LSP1: variants seen among roughly 807,000 people sequenced by gnomAD.
LSP1 encodes lymphocyte-specific protein 1.
LSP1 carries 32 observed loss-of-function variants against 49.3 expected under a neutral mutation model. That is an observed-to-expected ratio of 0.65 (90% CI 0.49 to 0.87). The LOEUF is 0.87. Ranked by LOEUF, LSP1 falls within the 40% of genes least tolerant of loss-of-function variation. The pLI is 0.00. For missense variants in LSP1, 428 were observed against 442.6 expected (o/e 0.97, Z 0.30); for synonymous variants, 179 against 178.8 (o/e 1.00, Z -0.01).
At chr11:1,887,051 G>A (rs185523860) in intron 8 of LSP1, among the ~76,000 whole-genome samples, 185 bp downstream of exon 8, 1 of 152,348 alleles carries the variant, frequency 6.6e-6, no homozygotes, top group East Asian at 1.9e-4. Context: ...TGTTGTCCGA[G>A]TGGAGGTAGA....
intron 1 of LSP1, chr11:1,871,451 G>T: frequency 1.0e-6 from 1 of 986,360 alleles, no homozygotes; most frequent in Non-Finnish European, 1.2e-6. Flanking sequence ...GGGCTGGTCA[G>T]CAGGACATCA....
chr11:1,875,199 C>G (rs998737731), intron 1 of LSP1, among the ~76,000 whole-genome samples: 3 of 152,192 alleles, frequency 2.0e-5, no homozygotes, highest in East Asian at 1.9e-4. Context: ...CGCCCTCCCC[C>G]CCATCAACCC....
chr11:1,858,830 G>T (rs989741179), intron 1 of LSP1, among the ~76,000 whole-genome samples: 6 of 152,230 alleles, frequency 3.9e-5, no homozygotes, highest in African/African-American at 1.4e-4. Flanking sequence ...CCTCCTAGCC[G>T]TGTCCCACCC....
At chr11:1,855,588 T>C (rs1847468513) in intron 1 of LSP1, among the ~76,000 whole-genome samples, 1 of 152,162 alleles carries the variant, frequency 6.6e-6, no homozygotes, top group Non-Finnish European at 1.5e-5. Flanking sequence ...AGGACAGGAC[T>C]GTCCTCTCCC....
At chr11:1,888,013 C>T (rs1024882718) in intron 10 of LSP1, among the ~76,000 whole-genome samples, 5 of 152,146 alleles carry the variant, frequency 3.3e-5, no homozygotes, top group East Asian at 3.9e-4. Flanking sequence ...CTGTCCCAGC[C>T]GAGAGCGATT....
intron 1 of LSP1, among the ~76,000 whole-genome samples, chr11:1,865,569 C>T (rs146953757): frequency 0.017 from 2,089 of 124,228 alleles, 25 homozygotes; most frequent in Non-Finnish European, 0.025. Context: ...CACTGTCACC[C>T]GCTCACACCG....
intron 1 of LSP1, among the ~76,000 whole-genome samples, chr11:1,867,081 A>G (rs1847818775): frequency 6.6e-6 from 1 of 152,028 alleles, no homozygotes; most frequent in African/African-American, 2.4e-5. Flanking sequence ...GCTCGGGGCC[A>G]GTCCCTGTGG....
chr11:1,856,209 C>T (rs1847485840), intron 1 of LSP1, among the ~76,000 whole-genome samples: 1 of 152,334 alleles, frequency 6.6e-6, no homozygotes, highest in East Asian at 1.9e-4. Flanking sequence ...GATGACCCTA[C>T]CCCCAGTCTG....
chr11:1,868,058 C>G (rs1464542939), intron 1 of LSP1, among the ~76,000 whole-genome samples: 3 of 152,234 alleles, frequency 2.0e-5, no homozygotes, highest in Admixed American at 2.0e-4. Flanking sequence ...CTGCCTGCCC[C>G]TGGGCAACTC....
intron 1 of LSP1, chr11:1,870,924 G>A (rs1398458217): frequency 3.0e-6 from 3 of 985,732 alleles, no homozygotes; most frequent in African/African-American, 3.5e-5. Context: ...CAGCGCTCCC[G>A]AGGGCCGTCG....
intron 1 of LSP1, chr11:1,876,440 C>T: frequency 1.0e-6 from 1 of 985,344 alleles, no homozygotes; most frequent in Non-Finnish European, 1.2e-6. Context: ...GCTCCCCCTC[C>T]CCTCGACATC....
At chr11:1,862,866 C>T (rs1242834141) in intron 1 of LSP1, among the ~76,000 whole-genome samples, 4 of 152,182 alleles carry the variant, frequency 2.6e-5, no homozygotes, top group African/African-American at 9.7e-5. Context: ...GCTCACTAAA[C>T]ATTTGTCCAA....
At chr11:1,888,396 A>C (rs879625286) in intron 10 of LSP1, among the ~76,000 whole-genome samples, 2 of 152,154 alleles carry the variant, frequency 1.3e-5, no homozygotes, top group Non-Finnish European at 2.9e-5. Context: ...CCAGCTGTCA[A>C]AGCCTGGGCA....
At chr11:1,889,405 CG>C in intron 10 of LSP1, 10 of 685,024 alleles carry the variant, frequency 1.5e-5, no homozygotes, top group Non-Finnish European at 1.6e-5. Flanking sequence ...GTCCGGGAGG[CG>C]GGGGCCCGGG....
At chr11:1,866,762 C>A in intron 1 of LSP1, 2 of 1,550,496 alleles carry the variant, frequency 1.3e-6, no homozygotes, top group Non-Finnish European at 1.7e-6. Flanking sequence ...CTCACCAGTG[C>A]TACTTAACAA....
At chr11:1,874,608 G>C (rs937181827) in intron 1 of LSP1, among the ~76,000 whole-genome samples, 4 of 152,126 alleles carry the variant, frequency 2.6e-5, no homozygotes, top group African/African-American at 7.2e-5. Context: ...AGAGCACTTT[G>C]CCTGAGCCAG....
chr11:1,891,590 A>C (rs943186157), intron 10 of LSP1, 183 bp from the exon 11 acceptor site: 2 of 152,444 alleles, frequency 1.3e-5, no homozygotes, highest in Non-Finnish European at 2.9e-5. Flanking sequence ...AAGTGCTCGC[A>C]CTGGGAAGCA....
intron 1 of LSP1, among the ~76,000 whole-genome samples, chr11:1,878,798 T>G (rs989806792): frequency 6.6e-6 from 1 of 152,006 alleles, no homozygotes; most frequent in Non-Finnish European, 1.5e-5. Context: ...ATAAGCCCTG[T>G]AGGAGTGTAG....
chr11:1,880,059 G>C, intron 1 of LSP1, 28 bp from the exon 2 acceptor site: 1 of 1,604,784 alleles, frequency 6.2e-7, no homozygotes, highest in Non-Finnish European at 8.5e-7. Flanking sequence ...CGGCTGTGGC[G>C]TGACTGTCCC....
Sources: gnomAD v4.1 joint callset for allele counts (sites outside exome capture counted in the v4.1 genomes callset) on GRCh38, gnomAD v4.1.1 for gene constraint, MANE v1.5 for transcripts, NCBI Gene and HGNC (gene_info 2026-07-23, HGNC 2026-07-21) for gene names.